CNTNAP2: variants seen among roughly 807,000 people sequenced by gnomAD.
The protein encoded by CNTNAP2 is contactin-associated protein-like 2.
A neutral mutation model predicts 155.2 loss-of-function variants in CNTNAP2; 98 were observed. The observed-to-expected ratio is 0.63, with a 90% confidence interval of 0.54 to 0.75. CNTNAP2 has a LOEUF of 0.75. Among genes scored for constraint, CNTNAP2 ranks in the 30% least tolerant of loss-of-function variants. The pLI is 0.00. For synonymous variants in CNTNAP2, 651 were observed against 631.2 expected (o/e 1.03, Z -0.47); for missense variants, 1,727 against 1,688.1 (o/e 1.02, Z -0.40).
chr7:146,622,620 T>A (rs775471525), intron 1 of CNTNAP2, among the ~76,000 whole-genome samples: 4 of 152,240 alleles, frequency 2.6e-5, no homozygotes, highest in Middle Eastern at 6.8e-3. Flanking sequence ...CATTCTAACC[T>A]TCTCCCCTTG....
At chr7:146,184,167 A>G (rs554763445) in intron 1 of CNTNAP2, among the ~76,000 whole-genome samples, 1 of 152,350 alleles carries the variant, frequency 6.6e-6, no homozygotes, top group South Asian at 2.1e-4. Context: ...GACTATAAGT[A>G]TGAGGAACTT....
chr7:148,090,064 G>A (rs967413659), intron 15 of CNTNAP2, among the ~76,000 whole-genome samples: 1 of 151,928 alleles, frequency 6.6e-6, no homozygotes, highest in African/African-American at 2.4e-5. Context: ...ATAGAAGTGT[G>A]AAACTAGGCT....
intron 16 of CNTNAP2, among the ~76,000 whole-genome samples, chr7:148,119,152 G>C (rs996742790): frequency 6.6e-6 from 1 of 152,074 alleles, no homozygotes; most frequent in Non-Finnish European, 1.5e-5. Flanking sequence ...GAGTCGGGGA[G>C]ATCAACCACA....
chr7:147,338,588 A>G (rs910033284), intron 9 of CNTNAP2, among the ~76,000 whole-genome samples: 1 of 152,286 alleles, frequency 6.6e-6, no homozygotes, highest in Admixed American at 6.5e-5. Context: ...TTAGATCACC[A>G]TACTCCTTTT....
At chr7:146,405,676 C>T (rs919385475) in intron 1 of CNTNAP2, among the ~76,000 whole-genome samples, 1 of 152,084 alleles carries the variant, frequency 6.6e-6, no homozygotes. Context: ...TCGGAAAAAT[C>T]AGATTTTTAG....
chr7:148,146,078 A>G (rs920675831), intron 16 of CNTNAP2, among the ~76,000 whole-genome samples: 6 of 152,218 alleles, frequency 3.9e-5, no homozygotes, highest in African/African-American at 1.4e-4. Context: ...CTGGCCCACC[A>G]TGGTTTCTAA....
At chr7:146,752,502 T>C (rs1801923282) in intron 1 of CNTNAP2, among the ~76,000 whole-genome samples, 1 of 152,202 alleles carries the variant, frequency 6.6e-6, no homozygotes, top group South Asian at 2.1e-4. Flanking sequence ...AAGTTTCTTG[T>C]AGATTCTGGA....
intron 10 of CNTNAP2, among the ~76,000 whole-genome samples, chr7:147,419,077 A>G (rs1266987304): frequency 6.6e-6 from 1 of 152,210 alleles, no homozygotes; most frequent in Admixed American, 6.5e-5. Context: ...ATGCCAAAAA[A>G]ATTTCAATGA....
intron 3 of CNTNAP2, among the ~76,000 whole-genome samples, chr7:146,864,716 G>A (rs77855442): frequency 0.014 from 2,173 of 151,978 alleles, 52 homozygotes; most frequent in African/African-American, 0.049. Context: ...CAGGCTGGGC[G>A]CGGTGGCTCA....
chr7:147,381,032 A>C (rs1029305842), intron 9 of CNTNAP2, among the ~76,000 whole-genome samples: 5 of 152,088 alleles, frequency 3.3e-5, no homozygotes, highest in Non-Finnish European at 7.4e-5. Flanking sequence ...AATACAAAAT[A>C]TTTTTAAACG....
Position 147,500,483 on chromosome 7 carries a change from C to T in CNTNAP2, c.1777+14442C>T, listed in dbSNP as rs74723982. On this transcript the variant is annotated intron_variant, in intron 11 of 23. Coordinates refer to ENST00000361727, the MANE Select transcript of CNTNAP2 (RefSeq NM_014141.6). ...CAACCCTATTGTATTGACATAAGCT[C>T]TCTATCCACTGTTCTTCTTAATGCC... is the stretch of plus-strand genomic sequence containing the variant. 8.4e-3 allele frequency among the ~76,000 whole-genome samples: 1,276 copies of T among 152,184 alleles called. 22 individuals carry two copies. Among genetic ancestry groups the T allele is most frequent in the African/African-American group, 0.029 (1,223 of 41,538 alleles).
At chr7:146,239,474 TAAAA>T (rs1056708034) in intron 1 of CNTNAP2, among the ~76,000 whole-genome samples, 4 of 151,958 alleles carry the variant, frequency 2.6e-5, no homozygotes, top group Non-Finnish European at 4.4e-5. Flanking sequence ...GTTTTCTCAG[TAAAA>T]AAATAATGTG....
intron 1 of CNTNAP2, among the ~76,000 whole-genome samples, chr7:146,736,998 A>G (rs1376662572): frequency 1.3e-5 from 2 of 152,160 alleles, no homozygotes; most frequent in Non-Finnish European, 2.9e-5. Flanking sequence ...CCGTAAGTTT[A>G]CTTTCTATTG....
At chr7:146,213,023 T>C (rs926043450) in intron 1 of CNTNAP2, among the ~76,000 whole-genome samples, 1 of 152,210 alleles carries the variant, frequency 6.6e-6, no homozygotes, top group Non-Finnish European at 1.5e-5. Context: ...CTTATGCCAT[T>C]GGACGGCTAC....
chr7:146,306,671 G>T (rs1437218276), intron 1 of CNTNAP2, among the ~76,000 whole-genome samples: 1 of 152,076 alleles, frequency 6.6e-6, no homozygotes. Flanking sequence ...TTCAAGGCTG[G>T]TTCAACATAC....
chr7:147,115,008 G>A (rs552239210), intron 5 of CNTNAP2, among the ~76,000 whole-genome samples: 108 of 152,278 alleles, frequency 7.1e-4, no homozygotes, highest in African/African-American at 2.3e-3. Context: ...AGGACTGGTG[G>A]TAATAAATTC....
chr7:147,445,634 A>G (rs534297440), intron 10 of CNTNAP2, among the ~76,000 whole-genome samples: 2 of 152,318 alleles, frequency 1.3e-5, no homozygotes, highest in African/African-American at 4.8e-5. Flanking sequence ...CTCAACAGGC[A>G]TATGCTGATT....
chr7:147,166,507 C>T (rs1368677571), intron 8 of CNTNAP2, among the ~76,000 whole-genome samples: 1 of 152,058 alleles, frequency 6.6e-6, no homozygotes, highest in African/African-American at 2.4e-5. Context: ...TACTCATGTA[C>T]CAAATACCAG....
At chr7:147,978,064 G>A in intron 15 of CNTNAP2, 75 bp downstream of exon 15, 1 of 1,581,258 alleles carries the variant, frequency 6.3e-7, no homozygotes, top group Non-Finnish European at 8.6e-7. Flanking sequence ...CTCAGAAGAT[G>A]CCTGCAATCA....
Sources: gnomAD v4.1 joint callset for allele counts (sites outside exome capture counted in the v4.1 genomes callset) on GRCh38, gnomAD v4.1.1 for gene constraint, MANE v1.5 for transcripts, NCBI Gene and HGNC (gene_info 2026-07-23, HGNC 2026-07-21) for gene names.